Variants in DMRT1 observed in about 807,000 individuals in gnomAD.
The protein encoded by DMRT1 is doublesex- and mab-3-related transcription factor 1.
DMRT1 carries 7 observed loss-of-function variants against 32.3 expected under a neutral mutation model. The observed-to-expected ratio is 0.22, with a 90% CI of 0.12 to 0.41. The LOEUF is 0.41. Among genes scored for constraint, DMRT1 ranks in the 10% least tolerant of loss-of-function variants. The pLI, the probability that DMRT1 is intolerant of heterozygous loss-of-function variation, is 1.00. For missense variants in DMRT1, 625 were observed against 500.5 expected (o/e 1.25, Z -2.37); for synonymous variants, 278 against 206.1 (o/e 1.35, Z -2.99).
At position 900,830 on chromosome 9, in the gene DMRT1, G is replaced by A. The variant is rs549697587; in HGVS notation, c.822+6635G>A. 2.0e-5 allele frequency among the ~76,000 whole-genome samples: 3 copies of A among 151,774 alleles called. No individual in the cohort carries two copies. In the South Asian group the frequency reaches 6.3e-4, roughly 32 times the overall value. ...CTCACGAGTAGCTGGGACTACAGGTGTGTGCCACCATGCCACACCTGGCTA... is the reference window on the plus strand; with the variant it reads ...CTCACGAGTAGCTGGGACTACAGGTATGTGCCACCATGCCACACCTGGCTA... On this transcript the variant is annotated intron_variant, in intron 3 of 4. Transcript: ENST00000382276.
chr9:865,202 G>GA (rs1403962711), intron 2 of DMRT1, among the ~76,000 whole-genome samples: 4 of 152,162 alleles, frequency 2.6e-5, no homozygotes, highest in African/African-American at 9.6e-5. Flanking sequence ...AGACACCTGG[G>GA]AAAAGAGATT....
intron 4 of DMRT1, among the ~76,000 whole-genome samples, chr9:933,444 A>G (rs989128061): frequency 1.3e-5 from 2 of 152,168 alleles, no homozygotes; most frequent in Non-Finnish European, 2.9e-5. Context: ...AAAACCACTG[A>G]CCCTATTTTA....
chr9:934,546 T>A (rs914713316), intron 4 of DMRT1, among the ~76,000 whole-genome samples: 3 of 152,198 alleles, frequency 2.0e-5, no homozygotes, highest in Non-Finnish European at 4.4e-5. Context: ...TTAAAAAATT[T>A]AAAAATTTTA....
At chr9:870,709 C>CTTTTTTT (rs58893896) in intron 2 of DMRT1, among the ~76,000 whole-genome samples, 1,390 of 69,460 alleles carry the variant, frequency 0.02, 196 homozygotes, top group Non-Finnish European at 0.024. Flanking sequence ...ATTTTCTTGA[C>CTTTTTTT]TTTTTTTTTT....
intron 3 of DMRT1, chr9:894,447 T>C: frequency 3.5e-6 from 2 of 564,088 alleles, no homozygotes; most frequent in Non-Finnish European, 6.4e-6. Flanking sequence ...TGCAAGGAAT[T>C]GGAAAGAAAT....
chr9:892,527 C>T (rs980348418), intron 2 of DMRT1, among the ~76,000 whole-genome samples: 1 of 152,152 alleles, frequency 6.6e-6, no homozygotes, highest in Admixed American at 6.5e-5. Context: ...TTTCATCCCC[C>T]ACATGTCCCT....
chr9:894,393 AT>A, intron 3 of DMRT1, 198 bp downstream of exon 3: 1 of 635,896 alleles, frequency 1.6e-6, no homozygotes, highest in African/African-American at 1.8e-5. Flanking sequence ...TGTGTAAGGA[AT>A]TTTTTACTCT....
intron 2 of DMRT1, among the ~76,000 whole-genome samples, chr9:881,315 A>T (rs1010056364): frequency 1.3e-5 from 2 of 152,230 alleles, no homozygotes; most frequent in African/African-American, 4.8e-5. Context: ...TCTTGAGTTG[A>T]ACGGAAGCTA....
intron 4 of DMRT1, among the ~76,000 whole-genome samples, chr9:938,390 G>C (rs932400439): frequency 6.6e-6 from 1 of 152,150 alleles, no homozygotes; most frequent in African/African-American, 2.4e-5. Context: ...ACAATATTAA[G>C]TCTTCCAGTC....
At chr9:871,434 G>T (rs563765935) in intron 2 of DMRT1, among the ~76,000 whole-genome samples, 1 of 148,824 alleles carries the variant, frequency 6.7e-6, no homozygotes, top group African/African-American at 2.5e-5. Context: ...CCGGGTTCAC[G>T]CCATTCTCCT....
chr9:855,069 G>A (rs1329737215), intron 2 of DMRT1, among the ~76,000 whole-genome samples: 4 of 151,754 alleles, frequency 2.6e-5, no homozygotes, highest in African/African-American at 9.7e-5. Context: ...GCCCGGCCAG[G>A]GACTGATGGC....
chr9:861,799 G>T (rs571781802), intron 2 of DMRT1, among the ~76,000 whole-genome samples: 715 of 44,188 alleles, frequency 0.016, 9 homozygotes, highest in African/African-American at 0.048. Context: ...CGGGGCGGCT[G>T]CCGGGCGGGG....
rs544734794 is a variant in DMRT1 at position 940,683 on chromosome 9, G to GA, written c.967+23785dup. On this transcript the variant is annotated intron_variant, in intron 4 of 4. Coordinates refer to ENST00000382276, the MANE Select transcript of DMRT1 (RefSeq NM_021951.3). ...ACATTAAAGGCTCAGGTAACAAAAG[G>GA]AAAAAAAAATTGGACTTGATGTTGA... is the stretch of plus-strand genomic sequence containing the variant. 1.6e-3 allele frequency among the ~76,000 whole-genome samples: 244 copies of GA among 150,564 alleles called. 2 individuals carry two copies. Among genetic ancestry groups the GA allele is most frequent in the Non-Finnish European group, 2.4e-3 (160 of 67,542 alleles).
chr9:899,717 C>T (rs1817498988), intron 3 of DMRT1, among the ~76,000 whole-genome samples: 1 of 152,258 alleles, frequency 6.6e-6, no homozygotes, highest in African/African-American at 2.4e-5. Context: ...TCCACCGCAA[C>T]ATTATCTCTT....
chr9:894,241 A>G, intron 3 of DMRT1, 46 bp downstream of exon 3: 1 of 1,598,706 alleles, frequency 6.3e-7, no homozygotes, highest in Non-Finnish European at 8.6e-7. Context: ...TGTGAAAGCC[A>G]CATGCATGTG....
At chr9:896,596 C>T (rs925172130) in intron 3 of DMRT1, among the ~76,000 whole-genome samples, 2 of 152,040 alleles carry the variant, frequency 1.3e-5, no homozygotes, top group Admixed American at 6.6e-5. Context: ...GGGTGGATCA[C>T]GAGGTCAGGA....
At chr9:928,537 C>T (rs543400522) in intron 4 of DMRT1, among the ~76,000 whole-genome samples, 61 of 152,234 alleles carry the variant, frequency 4.0e-4, no homozygotes, top group African/African-American at 1.4e-3. Flanking sequence ...CCTGAGGCAG[C>T]GAAAGAAACA....
Position 841,713 on chromosome 9 carries a change from C to T in DMRT1, c.-126C>T, listed in dbSNP as rs971448935. 7.2e-6 allele frequency: 11 copies of T among 1,536,196 alleles called. No homozygotes were observed. The highest frequency in any genetic ancestry group is 4.1e-5 in the African/African-American group (3 of 72,832). On this transcript the variant is annotated 5_prime_UTR_variant, in exon 1 of 5. Coordinates refer to ENST00000382276, the MANE Select transcript of DMRT1 (RefSeq NM_021951.3). ...GACCTCGCCACTCCAGCTGCGCCTC[C>T]GGCTGCAGCGCACACGTCTCCTGCG...
At chr9:939,569 A>G (rs1220607363) in intron 4 of DMRT1, among the ~76,000 whole-genome samples, 1 of 152,122 alleles carries the variant, frequency 6.6e-6, no homozygotes, top group African/African-American at 2.4e-5. Context: ...TCTGGACTTT[A>G]TTATTCCTTT....
Sources: allele counts gnomAD v4.1 joint callset (sites outside exome capture counted in the v4.1 genomes callset), GRCh38; gene constraint gnomAD v4.1.1; transcripts MANE v1.5; gene names NCBI Gene and HGNC (gene_info 2026-07-23, HGNC 2026-07-21).